PDS5B: variants seen among roughly 807,000 people sequenced by gnomAD.
PDS5B encodes the protein sister chromatid cohesion protein PDS5 homolog B.
In PDS5B, 51 loss-of-function variants were observed where a neutral mutation model predicts 184.1. The observed-to-expected ratio is 0.28, with a 90% CI of 0.22 to 0.35. The LOEUF is 0.35. PDS5B is among the 10% of genes least tolerant of loss of function. The probability of loss-of-function intolerance (pLI) is 1.00; values close to 1 mark genes in which losing one functional copy is unlikely to be tolerated. For missense variants in PDS5B, 1,180 were observed against 1,723.3 expected, an observed-to-expected ratio of 0.68 and a Z score of 5.58; for synonymous variants, 566 against 569.2, an observed-to-expected ratio of 0.99 and a Z score of 0.08.
chr13:32,644,582 T>TA (rs1355154834), intron 1 of PDS5B, among the ~76,000 whole-genome samples: 3 of 151,240 alleles, frequency 2.0e-5, no homozygotes, highest in East Asian at 3.9e-4. Flanking sequence ...AGTGTCAAAT[T>TA]AAAAAAAAAG....
At position 32,716,793 on chromosome 13, in the gene PDS5B, G is replaced by C. The variant is rs1331910108; in HGVS notation, c.2123+6687G>C. ...CAGCCGCCCCGTCCGGGAGGGAGGTGGGGGGGTCAGCCCCCTGCCCGGCCA... is the reference window on the plus strand; with the variant it reads ...CAGCCGCCCCGTCCGGGAGGGAGGTCGGGGGGTCAGCCCCCTGCCCGGCCA... On this transcript the variant is annotated intron_variant, in intron 19 of 34. Coordinates refer to ENST00000315596, the MANE Select transcript of PDS5B (RefSeq NM_015032.4). Among the ~76,000 whole-genome samples the C allele has an allele frequency of 7.8e-4, 57 of 72,850 alleles. 2 individuals carry two copies. In the East Asian group the frequency reaches 0.016, roughly 21 times the overall value. 47.8% of individuals were successfully genotyped at this position (72,850 alleles called of 152,430 possible).
intron 12 of PDS5B, among the ~76,000 whole-genome samples, chr13:32,687,574 G>A (rs1368764214): frequency 6.6e-6 from 1 of 152,010 alleles, no homozygotes; most frequent in Non-Finnish European, 1.5e-5. Flanking sequence ...TAGTTCATAG[G>A]TAATTGTGTT....
At position 32,675,964 on chromosome 13, in the gene PDS5B, A is replaced by C. The variant is rs775213840; in HGVS notation, c.962+5A>C. 6.3e-7 allele frequency: 1 copy of C among 1,582,992 alleles called. No individual in the cohort carries two copies. The highest frequency in any genetic ancestry group is 2.2e-5 in the East Asian group (1 of 44,690). ...TTGGCAGTGCTACTTGGGCAGGTAT[A>C]TGATTTTGGTTTCCCATTTAAAAGT... On this transcript the variant is annotated splice_donor_5th_base_variant and intron_variant, in intron 9 of 34. Transcript: ENST00000315596.
At chr13:32,608,932 C>CT (rs2058101126) in intron 1 of PDS5B, among the ~76,000 whole-genome samples, 1 of 152,178 alleles carries the variant, frequency 6.6e-6, no homozygotes. Context: ...TACTGCTTCA[C>CT]TTTTGTCTTC....
chr13:32,718,305 C>T (rs1009508417), intron 19 of PDS5B, among the ~76,000 whole-genome samples: 1 of 152,114 alleles, frequency 6.6e-6, no homozygotes, highest in Non-Finnish European at 1.5e-5. Context: ...CGCCCGCCAC[C>T]ATGCCCGGCT....
chr13:32,597,453 A>G (rs1483033450), intron 1 of PDS5B, among the ~76,000 whole-genome samples: 7 of 151,932 alleles, frequency 4.6e-5, no homozygotes, highest in Non-Finnish European at 7.4e-5. Context: ...AGTCCCAACT[A>G]CTTGGGAAGC....
intron 1 of PDS5B, among the ~76,000 whole-genome samples, chr13:32,630,843 G>A (rs1327881832): frequency 1.3e-5 from 2 of 150,008 alleles, no homozygotes; most frequent in Non-Finnish European, 3.0e-5. Flanking sequence ...GGAGTGCAGT[G>A]GCGCCATCTC....
chr13:32,608,425 T>G (rs2058094005), intron 1 of PDS5B, among the ~76,000 whole-genome samples: 1 of 152,180 alleles, frequency 6.6e-6, no homozygotes, highest in Non-Finnish European at 1.5e-5. Context: ...TAGGGTTTGA[T>G]TAAAGAAGCA....
chr13:32,688,483 A>G lies in PDS5B; in HGVS notation c.1383A>G (p.Gln461=), dbSNP rs376187794. 79 of 1,604,374 alleles carry G rather than the reference A, an allele frequency of 4.9e-5. No individual in the cohort carries two copies. The highest frequency in any genetic ancestry group is 6.4e-5 in the Non-Finnish European group (75 of 1,172,804). The change falls in exon 13 of 35, where the codon CAA becomes CAG. Residue 461 remains glutamine, a synonymous_variant. Coordinates refer to ENST00000315596, the MANE Select transcript of PDS5B (RefSeq NM_015032.4). The part of the protein sequence containing the change: ...DRLLVERIFA[Q]YMVPHNLETT... ...TACTTGTTGAACGGATCTTTGCTCA[A>G]TACATGGTTCCTCACAATTTAGAAA...
At chr13:32,593,090 G>A (rs1275743981) in intron 1 of PDS5B, among the ~76,000 whole-genome samples, 1 of 152,090 alleles carries the variant, frequency 6.6e-6, no homozygotes, top group Non-Finnish European at 1.5e-5. Context: ...TGTGAAAAAC[G>A]CCAAACCAAA....
intron 17 of PDS5B, among the ~76,000 whole-genome samples, chr13:32,703,529 A>G (rs1350098595): frequency 6.6e-6 from 1 of 152,204 alleles, no homozygotes; most frequent in African/African-American, 2.4e-5. Flanking sequence ...TTCTCCAAGG[A>G]TAGGAACTAT....
chr13:32,777,588 A>G lies in PDS5B; in HGVS notation c.*2536A>G, dbSNP rs937838365. 2.0e-5 allele frequency: 3 copies of G among 152,344 alleles called. No individual in the cohort carries two copies. In the East Asian group the frequency reaches 5.8e-4, roughly 29 times the overall value. The allele number at this position is 152,344 out of a possible 1,614,324, so 9.4% of individuals were successfully genotyped here. A position where few individuals can be genotyped will look rare whatever the true frequency, so the allele number is the denominator to read the frequency against. On this transcript the variant is annotated 3_prime_UTR_variant, in exon 35 of 35. Coordinates refer to ENST00000315596, the MANE Select transcript of PDS5B (RefSeq NM_015032.4). ...TTGAAAATATGTACTGTATAACATT[A>G]AGAAAATATTTAACTCCCTGTAACA... is the stretch of plus-strand genomic sequence containing the variant.
At chr13:32,618,393 G>C (rs1179878657) in intron 1 of PDS5B, among the ~76,000 whole-genome samples, 1 of 152,064 alleles carries the variant, frequency 6.6e-6, no homozygotes, top group East Asian at 1.9e-4. Context: ...CTGTTTTAAG[G>C]TGCCCACTGT....
intron 1 of PDS5B, among the ~76,000 whole-genome samples, chr13:32,640,543 G>A (rs1273485204): frequency 1.3e-5 from 2 of 151,044 alleles, no homozygotes; most frequent in Non-Finnish European, 3.0e-5. Context: ...CACTGTGCAT[G>A]GCCTAGTATT....
At position 32,699,838 on chromosome 13, in the gene PDS5B, C is replaced by A; in HGVS notation, c.1709C>A (p.Thr570Lys). Residue 570 changes from threonine (T) to lysine (K), a missense_variant, in exon 16 of 35, where the codon ACA becomes AAA. Thr to Lys is a moderately conservative substitution (Grantham distance 78). Transcript: ENST00000315596. ...CAGTTAGAAGTACTTGTTAGTCCAA[C>A]ATGCTCCTGCAAGCAGGCTGAAGGT... ...RKQLEVLVSP[T>K]CSCKQAEGCV... 1 of 1,574,768 alleles carries A rather than the reference C, an allele frequency of 6.4e-7. No individual in the cohort carries two copies. The highest frequency in any genetic ancestry group is 8.6e-7 in the Non-Finnish European group (1 of 1,164,812).
At chr13:32,626,147 A>G (rs1177588473) in intron 1 of PDS5B, among the ~76,000 whole-genome samples, 1 of 152,194 alleles carries the variant, frequency 6.6e-6, no homozygotes, top group Non-Finnish European at 1.5e-5. Context: ...GCCCCAGACC[A>G]GTATTCAAGT....
chr13:32,762,682 A>G (rs1283411652), intron 30 of PDS5B, among the ~76,000 whole-genome samples: 2 of 151,946 alleles, frequency 1.3e-5, no homozygotes, highest in Non-Finnish European at 2.9e-5. Context: ...TCCCCCCTCT[A>G]TATTTTTTCA....
At position 32,678,860 on chromosome 13, in the gene PDS5B, C is replaced by A; in HGVS notation, c.988C>A (p.Arg330Ser). ...GTTTAATGATATCCATGTACCAATC[C>A]GCCTGGAATGTGTGAAATTTGCTAG... ...GRFNDIHVPI[R>S]LECVKFASHC... Residue 330 changes from arginine to serine, a missense_variant, in exon 10 of 35, where the codon CGC (arginine) becomes AGC (serine). By Grantham distance (110) the Arg-to-Ser change is moderately radical. This residue lies in a region of PDS5B where 475 missense variants were observed against 691.5 expected (regional missense o/e 0.69). Coordinates refer to ENST00000315596, the MANE Select transcript of PDS5B (RefSeq NM_015032.4). 6.2e-7 allele frequency: 1 copy of A among 1,605,822 alleles called. No individual in the cohort carries two copies. Among genetic ancestry groups the A allele is most frequent in the Non-Finnish European group, 8.5e-7 (1 of 1,172,724 alleles).
chr13:32,593,825 C>T (rs967434668), intron 1 of PDS5B, among the ~76,000 whole-genome samples: 9 of 151,730 alleles, frequency 5.9e-5, no homozygotes, highest in Non-Finnish European at 8.8e-5. Flanking sequence ...CTTGTTGTCT[C>T]GAGGGTGGCA....
Sources: allele counts gnomAD v4.1 joint callset (sites outside exome capture counted in the v4.1 genomes callset), GRCh38; gene constraint gnomAD v4.1.1; regional missense constraint gnomAD v4.1.1; transcripts MANE v1.5; gene names NCBI Gene and HGNC (gene_info 2026-07-23, HGNC 2026-07-21).